ACSS3: variants seen among roughly 807,000 people sequenced by gnomAD.
ACSS3 encodes the protein acyl-CoA synthetase short chain family member 3.
ACSS3 carries 64 observed loss-of-function variants against 84.2 expected under a neutral mutation model. That is an observed-to-expected ratio of 0.76 (90% confidence interval 0.62 to 0.94). The LOEUF is 0.94. ACSS3 is among the 40% of genes least tolerant of loss of function. The probability of loss-of-function intolerance (pLI) is 0.00; values close to 1 mark genes in which losing one functional copy is unlikely to be tolerated. For synonymous variants in ACSS3, 317 were observed against 310.1 expected (o/e 1.02, Z -0.23); for missense variants, 815 against 867.6 (o/e 0.94, Z 0.76).
At position 81,259,742 on chromosome 12, in the gene ACSS3, C is replaced by A; in HGVS notation, c.*4820C>A. On this transcript the variant is annotated 3_prime_UTR_variant, in exon 16 of 16. Coordinates refer to ENST00000548058, the MANE Select transcript of ACSS3 (RefSeq NM_024560.4). ...CATTCTACTCCTCTGTGGTGTACCT[C>A]CACGCAGCCTGCTTACTCCTGTCCT... The A allele has an allele frequency of 8.1e-7, 1 of 1,232,426 alleles. No individual in the cohort carries two copies. The highest frequency in any genetic ancestry group is 1.3e-5 in the South Asian group (1 of 75,190). 76.3% of individuals were successfully genotyped at this position (1,232,426 alleles called of 1,614,324 possible).
chr12:81,226,273 A>G (rs988544115), intron 11 of ACSS3, among the ~76,000 whole-genome samples: 1 of 151,810 alleles, frequency 6.6e-6, no homozygotes, highest in East Asian at 1.9e-4. Context: ...CTTAGATACT[A>G]CTTTCCCCTG....
Position 81,164,637 on chromosome 12 carries a change from C to G in ACSS3, c.1099-10151C>G, listed in dbSNP as rs577179713. The stretch of plus-strand genomic sequence containing the variant: ...ATGAACATCTCAATTCTGTATTTCC[C>G]TGTATCTGTAATCTCCACTAAGTCA... On this transcript the variant is annotated intron_variant, in intron 7 of 15. Coordinates refer to ENST00000548058, the MANE Select transcript of ACSS3 (RefSeq NM_024560.4). 8.5e-5 allele frequency among the ~76,000 whole-genome samples: 13 copies of G among 152,252 alleles called. 1 individual carries two copies. In the South Asian group the frequency reaches 2.7e-3, roughly 32 times the overall value.
intron 8 of ACSS3, among the ~76,000 whole-genome samples, chr12:81,194,974 T>C (rs976866184): frequency 2.0e-5 from 3 of 152,022 alleles, no homozygotes; most frequent in Admixed American, 2.0e-4. Context: ...TACATCACAT[T>C]TTTAATAGTG....
At chr12:81,182,783 A>G (rs929911535) in intron 8 of ACSS3, among the ~76,000 whole-genome samples, 4 of 152,134 alleles carry the variant, frequency 2.6e-5, no homozygotes, top group African/African-American at 9.7e-5. Flanking sequence ...CAGCATTGAG[A>G]CAAACTACAA....
chr12:81,097,764 T>TCACATTAA (rs1033850920), intron 1 of ACSS3, among the ~76,000 whole-genome samples: 1 of 152,144 alleles, frequency 6.6e-6, no homozygotes, highest in South Asian at 2.1e-4. Context: ...ATGAACATTC[T>TCACATTAA]CACATTAACA....
intron 13 of ACSS3, among the ~76,000 whole-genome samples, chr12:81,252,634 G>A (rs1174952990): frequency 6.6e-6 from 1 of 152,052 alleles, no homozygotes; most frequent in African/African-American, 2.4e-5. Flanking sequence ...CTAAGCGTCT[G>A]TATTTTATGT....
intron 11 of ACSS3, among the ~76,000 whole-genome samples, chr12:81,222,737 G>A (rs978957712): frequency 3.3e-5 from 5 of 151,740 alleles, no homozygotes; most frequent in African/African-American, 9.7e-5. Flanking sequence ...GTTCTCCTGG[G>A]GACCCCTTGA....
chr12:81,233,227 C>T (rs1284218107), intron 12 of ACSS3, 122 bp from the exon 13 acceptor site: 36 of 1,161,910 alleles, frequency 3.1e-5, no homozygotes, highest in East Asian at 5.0e-5. Context: ...AGTCTAGTTA[C>T]GAAAAACGGC....
intron 2 of ACSS3, among the ~76,000 whole-genome samples, chr12:81,114,211 C>T (rs1255640667): frequency 6.6e-6 from 1 of 152,044 alleles, no homozygotes; most frequent in Non-Finnish European, 1.5e-5. Context: ...TTAAATTTTC[C>T]TGATTTAATT....
chr12:81,182,618 G>C (rs1287518578), intron 8 of ACSS3, among the ~76,000 whole-genome samples: 1 of 152,114 alleles, frequency 6.6e-6, no homozygotes, highest in African/African-American at 2.4e-5. Flanking sequence ...ATCAGGAGGA[G>C]CATAAAAATC....
At chr12:81,176,599 T>TA (rs574521386) in intron 8 of ACSS3, among the ~76,000 whole-genome samples, 188 of 146,142 alleles carry the variant, frequency 1.3e-3, no homozygotes, top group East Asian at 5.8e-3. Context: ...AATACAAAAA[T>TA]AAAAAAAAAA....
rs771600902 is a variant in ACSS3, at chr12:81,151,905, A to G, written c.983A>G (p.Tyr328Cys). 4.3e-6 allele frequency: 7 copies of G among 1,613,838 alleles called. No individual in the cohort carries two copies. Among genetic ancestry groups the G allele is most frequent in the Non-Finnish European group, 5.9e-6 (7 of 1,179,854 alleles). ...CTACACTGGTCAATGTCTTCCATAT[A>G]CGGACTTCAACCCGGAGAGGTAATC... ...VMLHWSMSSI[Y>C]GLQPGEVWWA... Residue 328 changes from tyrosine to cysteine, a missense_variant, in exon 6 of 16, where the codon TAC becomes TGC. Physicochemically the swap from Tyr to Cys is radical, Grantham distance 194. Transcript: ENST00000548058.
chr12:81,159,875 G>T (rs1185161788), intron 7 of ACSS3, among the ~76,000 whole-genome samples: 1 of 152,200 alleles, frequency 6.6e-6, no homozygotes, highest in Non-Finnish European at 1.5e-5. Context: ...TTACCAGACT[G>T]TCATCTGCAG....
At chr12:81,147,866 T>TAC (rs149709961) in intron 5 of ACSS3, among the ~76,000 whole-genome samples, 15,741 of 148,952 alleles carry the variant, frequency 0.11, 911 homozygotes, top group Admixed American at 0.15. Flanking sequence ...GCTGAATTGA[T>TAC]ACACACACAC....
chr12:81,123,381 G>A (rs560782872), intron 2 of ACSS3, among the ~76,000 whole-genome samples: 53 of 152,278 alleles, frequency 3.5e-4, no homozygotes, highest in African/African-American at 1.2e-3. Flanking sequence ...AACTTTTAGA[G>A]TGTCTATTTT....
At position 81,216,892 on chromosome 12, in the gene ACSS3, T is replaced by C. The variant is rs771832129; in HGVS notation, c.1355-9T>C. ...AACATGAAGTGATAAATAACATTTC[T>C]TTTTCCAGAGACTGGATCTCCAATT... On this transcript the variant is annotated splice_polypyrimidine_tract_variant and intron_variant, in intron 9 of 15. Coordinates refer to ENST00000548058, the MANE Select transcript of ACSS3 (RefSeq NM_024560.4). The C allele has an allele frequency of 1.4e-5, 23 of 1,603,108 alleles. No homozygotes were observed. Among genetic ancestry groups the C allele is most frequent in the Non-Finnish European group, 1.9e-5 (22 of 1,171,128 alleles).
At chr12:81,121,526 A>G (rs1884600746) in intron 2 of ACSS3, among the ~76,000 whole-genome samples, 1 of 152,110 alleles carries the variant, frequency 6.6e-6, no homozygotes, top group South Asian at 2.1e-4. Flanking sequence ...ATTTTAGTGT[A>G]TTATTAAGCC....
intron 2 of ACSS3, among the ~76,000 whole-genome samples, chr12:81,123,231 G>A (rs1884788117): frequency 6.6e-6 from 1 of 151,904 alleles, no homozygotes; most frequent in Non-Finnish European, 1.5e-5. Context: ...GGGCAATCAT[G>A]GATATAATTT....
intron 2 of ACSS3, among the ~76,000 whole-genome samples, chr12:81,134,462 C>T (rs1885682675): frequency 6.6e-6 from 1 of 152,070 alleles, no homozygotes; most frequent in African/African-American, 2.4e-5. Context: ...ATAGGCTCTA[C>T]AGGGACAATT....
Sources: gnomAD v4.1 joint callset for allele counts (sites outside exome capture counted in the v4.1 genomes callset) on GRCh38, gnomAD v4.1.1 for gene constraint, MANE v1.5 for transcripts, NCBI Gene and HGNC (gene_info 2026-07-23, HGNC 2026-07-21) for gene names.